Variants in FXR1 observed in about 807,000 individuals in gnomAD.
FXR1 encodes the protein RNA-binding protein FXR1.
FXR1 carries 15 observed loss-of-function variants against 84.0 expected under a neutral mutation model. That is an observed-to-expected ratio of 0.18 (90% confidence interval 0.12 to 0.27). The LOEUF is 0.27. Ranked by LOEUF, FXR1 falls within the 10% of genes least tolerant of loss-of-function variation. The pLI, the probability that FXR1 is intolerant of heterozygous loss-of-function variation, is 1.00. For synonymous variants in FXR1, 245 were observed against 250.7 expected (o/e 0.98, Z 0.21); for missense variants, 480 against 774.4 (o/e 0.62, Z 4.51).
Position 180,981,350 on chromosome 3 carries a change from C to T in FXR1, c.*5058C>T, listed in dbSNP as rs1033333329. 1.3e-5 allele frequency: 2 copies of T among 151,996 alleles called. No homozygotes were observed. The highest frequency in any genetic ancestry group is 4.8e-5 in the African/African-American group (2 of 41,414). 9.4% of individuals were successfully genotyped at this position (151,996 alleles called of 1,614,324 possible). On this transcript the variant is annotated 3_prime_UTR_variant, in exon 17 of 17. Coordinates refer to ENST00000357559, the MANE Select transcript of FXR1 (RefSeq NM_005087.4). ...TAGTTCCCTAATTTTTCTCAGTTCT[C>T]ATTGGTTTTCCATTTAAATGTTTCC...
intron 15 of FXR1, chr3:180,970,793 G>C (rs955836457): frequency 5.3e-6 from 1 of 187,898 alleles, no homozygotes; most frequent in Non-Finnish European, 1.1e-5. Flanking sequence ...AAACCAAACT[G>C]TACTAGAGAG....
chr3:180,921,557 T>TAGC (rs1248392900), intron 1 of FXR1, among the ~76,000 whole-genome samples: 2 of 152,140 alleles, frequency 1.3e-5, no homozygotes, highest in Non-Finnish European at 2.9e-5. Flanking sequence ...TTGATTGCAG[T>TAGC]AGCAGCCTTG....
chr3:180,962,397 C>T (rs1712233743), intron 11 of FXR1, among the ~76,000 whole-genome samples: 1 of 152,210 alleles, frequency 6.6e-6, no homozygotes, highest in African/African-American at 2.4e-5. Flanking sequence ...CTAACCTTTG[C>T]ATCCTGTAAT....
chr3:180,925,053 T>G (rs369431742), intron 1 of FXR1, among the ~76,000 whole-genome samples: 1 of 152,150 alleles, frequency 6.6e-6, no homozygotes, highest in African/African-American at 2.4e-5. Flanking sequence ...AGTATTGATG[T>G]TGTAAACCTA....
chr3:180,949,151 C>A, intron 6 of FXR1, 76 bp from the exon 7 acceptor site: 2 of 808,238 alleles, frequency 2.5e-6, no homozygotes, highest in Non-Finnish European at 4.5e-6. Context: ...GAAGGCTTTG[C>A]ATAGAAGATG....
chr3:180,933,455 GT>G (rs1185427727), intron 2 of FXR1, 69 bp downstream of exon 2: 1 of 826,394 alleles, frequency 1.2e-6, no homozygotes, highest in Non-Finnish European at 2.1e-6. Context: ...GCTTTTGGGT[GT>G]TCCTACTGCC....
chr3:180,976,148 T>A lies in FXR1; in HGVS notation c.1722T>A (p.Gly574=). ...CAAAAGATGTGATTGAAGAGCATGGTCCTTCAGAAAAGGCAATAAACGGCC... is the reference window on the plus strand; with the variant it reads ...CAAAAGATGTGATTGAAGAGCATGGACCTTCAGAAAAGGCAATAAACGGCC... The part of the protein sequence containing the change: ...EMAKDVIEEH[G]PSEKAINGPT... Residue 574 remains glycine, a synonymous_variant, in exon 17 of 17, where the codon GGT becomes GGA. Transcript: ENST00000357559. The A allele has an allele frequency of 6.2e-7, 1 of 1,612,998 alleles. No individual in the cohort carries two copies.
chr3:180,957,744 T>A (rs896904456), intron 9 of FXR1, 75 bp from the exon 10 acceptor site: 79 of 672,712 alleles, frequency 1.2e-4, no homozygotes, highest in Middle Eastern at 4.3e-4. Flanking sequence ...AAGTTACAAA[T>A]AATTGGGGCT....
At chr3:180,950,900 A>G (rs563977471) in intron 7 of FXR1, among the ~76,000 whole-genome samples, 10 of 152,198 alleles carry the variant, frequency 6.6e-5, no homozygotes, top group African/African-American at 2.4e-4. Flanking sequence ...AAATAATGCT[A>G]TGAACATGGA....
At chr3:180,920,312 T>A (rs1718425906) in intron 1 of FXR1, among the ~76,000 whole-genome samples, 1 of 152,190 alleles carries the variant, frequency 6.6e-6, no homozygotes, top group South Asian at 2.1e-4. Context: ...GCCCTCAGTG[T>A]ATATTTGTTG....
At position 180,957,883 on chromosome 3, in the gene FXR1, A is replaced by G; in HGVS notation, c.945A>G (p.Arg315=). 6.3e-7 allele frequency: 1 copy of G among 1,589,420 alleles called. No individual in the cohort carries two copies. Residue 315 remains arginine, a synonymous_variant, in exon 10 of 17, where the codon CGA becomes CGG. Transcript: ENST00000357559. ...TAGTGGACAAATCTGGTGTGGTTCG[A>G]GTGAGAATTGAAGGGGACAATGAAA... ...QEIVDKSGVV[R]VRIEGDNENK... is the part of the protein sequence containing the mutation.
At chr3:180,956,085 A>G (rs1722714214) in intron 9 of FXR1, among the ~76,000 whole-genome samples, 1 of 152,222 alleles carries the variant, frequency 6.6e-6, no homozygotes, top group Non-Finnish European at 1.5e-5. Flanking sequence ...TCCAAATGAA[A>G]GAAAAAGAGA....
At chr3:180,931,047 A>AAAAAAAAAAAAAG (rs1719838202) in intron 1 of FXR1, among the ~76,000 whole-genome samples, 2 of 150,476 alleles carry the variant, frequency 1.3e-5, no homozygotes, top group African/African-American at 4.9e-5. Context: ...AAAAAAAAAA[A>AAAAAAAAAAAAAG]GACGTGAATG....
chr3:180,958,324 T>C (rs954568285), intron 10 of FXR1, among the ~76,000 whole-genome samples: 1 of 152,160 alleles, frequency 6.6e-6, no homozygotes, highest in Admixed American at 6.5e-5. Flanking sequence ...GAGATTTTAG[T>C]GCACCTGTCA....
rs3026208 is a variant in FXR1 at position 180,979,584 on chromosome 3, C to T, written c.*3292C>T. ...TTTTAATTTTAGTTCTTTATTAGAACGTGTACTTGAATGGACTGTAGTTGC... is the reference window on the plus strand; with the variant it reads ...TTTTAATTTTAGTTCTTTATTAGAATGTGTACTTGAATGGACTGTAGTTGC... On this transcript the variant is annotated 3_prime_UTR_variant, in exon 17 of 17. Coordinates refer to ENST00000357559, the MANE Select transcript of FXR1 (RefSeq NM_005087.4). 2 of 151,386 alleles carry T rather than the reference C, an allele frequency of 1.3e-5. No individual in the cohort carries two copies. Among genetic ancestry groups the T allele is most frequent in the African/African-American group, 2.4e-5 (1 of 41,146 alleles). The allele number at this position is 151,386 out of a possible 1,614,324, so 9.4% of individuals were successfully genotyped here. A position where few individuals can be genotyped will look rare whatever the true frequency, so the allele number is the denominator to read the frequency against.
At chr3:180,919,130 A>G (rs755799923) in intron 1 of FXR1, among the ~76,000 whole-genome samples, 1 of 152,188 alleles carries the variant, frequency 6.6e-6, no homozygotes, top group Non-Finnish European at 1.5e-5. Flanking sequence ...TTTGCTTTAG[A>G]CAAATCTGCT....
At chr3:180,930,378 T>G (rs1385138022) in intron 1 of FXR1, among the ~76,000 whole-genome samples, 1 of 152,186 alleles carries the variant, frequency 6.6e-6, no homozygotes, top group Non-Finnish European at 1.5e-5. Context: ...GTGGAAGTGG[T>G]GATTTTTAGA....
Position 180,970,177 on chromosome 3 carries a change from C to A in FXR1, c.1422C>A (p.Ser474Arg). The stretch of plus-strand genomic sequence containing the variant: ...ATATAGTGCTCAAAGATCCAGACAG[C>A]AATCCATACAGCTTACTTGATAATA... ...SISSVLKDPDSNPYSLLDNTE... is the reference protein window; with the variant it reads ...SISSVLKDPDRNPYSLLDNTE... The change falls in exon 15 of 17, where the codon AGC (serine) becomes AGA (arginine). Residue 474 changes from serine (S) to arginine (R), a missense_variant. Transcript: ENST00000357559. 1 of 1,598,420 alleles carries A rather than the reference C, an allele frequency of 6.3e-7. No homozygotes were observed.
In FXR1 at chr3:180,961,450, T is replaced by C; in HGVS notation, c.991-18T>C. The C allele has an allele frequency of 7.3e-7, 1 of 1,367,330 alleles. No homozygotes were observed. Among genetic ancestry groups the C allele is most frequent in the East Asian group, 2.3e-5 (1 of 43,220 alleles). 84.7% of individuals were successfully genotyped at this position (1,367,330 alleles called of 1,614,324 possible). On this transcript the variant is annotated intron_variant, in intron 10 of 16. Coordinates refer to ENST00000357559, the MANE Select transcript of FXR1 (RefSeq NM_005087.4). The stretch of plus-strand genomic sequence containing the variant: ...TTAAAATATTAAACACTGAATACTT[T>C]TTTTTTTTTTTAAACAGGGTATGGT...
Sources: allele counts gnomAD v4.1 joint callset (sites outside exome capture counted in the v4.1 genomes callset), GRCh38; gene constraint gnomAD v4.1.1; transcripts MANE v1.5; gene names NCBI Gene and HGNC (gene_info 2026-07-23, HGNC 2026-07-21).